The following SNAPC1 variants were observed in gnomAD, a reference collection of about 807,000 sequenced individuals.
The protein encoded by SNAPC1 is snRNA-activating protein complex subunit 1.
In SNAPC1, 42 loss-of-function variants were observed where a neutral mutation model predicts 50.1. The observed-to-expected ratio is 0.84, with a 90% confidence interval of 0.65 to 1.08. The LOEUF (loss-of-function observed/expected upper bound fraction) is 1.08. Ranked by LOEUF, SNAPC1 falls within the 50% of genes least tolerant of loss-of-function variation. The pLI is 0.00. For missense variants in SNAPC1, 477 were observed against 427.3 expected (o/e 1.12, Z -1.02); for synonymous variants, 164 against 144.2 (o/e 1.14, Z -0.98).
At chr14:61,769,933 TAG>T (rs1401533873) in intron 4 of SNAPC1, among the ~76,000 whole-genome samples, 5 of 152,158 alleles carry the variant, frequency 3.3e-5, no homozygotes, top group Non-Finnish European at 7.3e-5. Context: ...AAAGAACATA[TAG>T]AGAGGAGACG....
chr14:61,794,658 T>C (rs2045175936), intron 9 of SNAPC1, among the ~76,000 whole-genome samples: 1 of 152,178 alleles, frequency 6.6e-6, no homozygotes, highest in South Asian at 2.1e-4. Flanking sequence ...TTCGCCCACC[T>C]TAGCCTCCCA....
At chr14:61,766,788 C>G (rs1430568730) in intron 1 of SNAPC1, 88 bp from the exon 2 acceptor site, 1 of 666,686 alleles carries the variant, frequency 1.5e-6, no homozygotes, top group Non-Finnish European at 2.5e-6. Flanking sequence ...CAAATTATAA[C>G]TACCGTTTAA....
intron 7 of SNAPC1, among the ~76,000 whole-genome samples, chr14:61,782,026 G>A (rs1594649204): frequency 6.6e-6 from 1 of 152,214 alleles, no homozygotes; most frequent in Non-Finnish European, 1.5e-5. Flanking sequence ...GTGAGTAGAT[G>A]ATGATGACAG....
chr14:61,768,295 T>C (rs1370531271), intron 3 of SNAPC1, among the ~76,000 whole-genome samples: 1 of 152,082 alleles, frequency 6.6e-6, no homozygotes, highest in Admixed American at 6.6e-5. Flanking sequence ...AAAAATTCTT[T>C]GGTGAAAAGT....
chr14:61,778,339 G>A lies in SNAPC1; in HGVS notation c.762+199G>A, dbSNP rs547150637. 8.3e-4 allele frequency among the ~76,000 whole-genome samples: 127 copies of A among 152,306 alleles called. 1 individual carries two copies. The highest frequency in any genetic ancestry group is 2.9e-3 in the African/African-American group (119 of 41,558). On this transcript the variant is annotated intron_variant, in intron 6 of 9. Coordinates refer to ENST00000216294, the MANE Select transcript of SNAPC1 (RefSeq NM_003082.4). ...GGAGAGAGGATGATAATAATTTTCC[G>A]CAGGGAAAGGAAAGCTTGACTATGG... is the stretch of plus-strand genomic sequence containing the variant.
chr14:61,790,672 A>C (rs1283736566), intron 8 of SNAPC1, among the ~76,000 whole-genome samples: 1 of 152,026 alleles, frequency 6.6e-6, no homozygotes, highest in Non-Finnish European at 1.5e-5. Flanking sequence ...TTTTTCTCAC[A>C]TGTCCAAGAC....
At chr14:61,771,903 C>T (rs953623780) in intron 4 of SNAPC1, among the ~76,000 whole-genome samples, 1 of 152,036 alleles carries the variant, frequency 6.6e-6, no homozygotes, top group Non-Finnish European at 1.5e-5. Context: ...TCATGGGGAT[C>T]AGGGAACTGA....
intron 7 of SNAPC1, 55 bp from the exon 8 acceptor site, chr14:61,782,192 T>G (rs1273842892): frequency 1.5e-6 from 2 of 1,300,274 alleles, no homozygotes; most frequent in South Asian, 1.5e-5. Context: ...CCTCTCAATT[T>G]TATCATTTGG....
rs1264015409 is a variant in SNAPC1, at chr14:61,776,067, A to C, written c.535-28A>C. 3 of 1,547,472 alleles carry C rather than the reference A, an allele frequency of 1.9e-6. No individual in the cohort carries two copies. The East Asian group carries it at 6.9e-5, about 36-fold the overall frequency. Reference sequence around the variant, plus strand: ...TTAGTTTCTCCTCAAAAAGTGAAGAAATAAAGGACTCATCTTTTTGCTTTT... The same window carrying C: ...TTAGTTTCTCCTCAAAAAGTGAAGACATAAAGGACTCATCTTTTTGCTTTT... On this transcript the variant is annotated intron_variant, in intron 4 of 9. Coordinates refer to ENST00000216294, the MANE Select transcript of SNAPC1 (RefSeq NM_003082.4).
At chr14:61,789,013 A>G (rs1456927941) in intron 8 of SNAPC1, among the ~76,000 whole-genome samples, 2 of 152,190 alleles carry the variant, frequency 1.3e-5, no homozygotes, top group Non-Finnish European at 2.9e-5. Flanking sequence ...CAGGCAGATC[A>G]CAAGGTCAGG....
intron 4 of SNAPC1, among the ~76,000 whole-genome samples, chr14:61,774,278 A>G (rs942896753): frequency 6.6e-6 from 1 of 151,700 alleles, no homozygotes; most frequent in Admixed American, 6.6e-5. Context: ...CTGGGACTAC[A>G]GGTGCACACT....
chr14:61,762,528 G>T lies in SNAPC1; in HGVS notation c.68G>T (p.Ser23Ile), dbSNP rs778349214. The change falls in exon 1 of 10, where the codon AGT (serine) becomes ATT (isoleucine). Residue 23 changes from serine to isoleucine, a missense_variant. By Grantham distance (142) the Ser-to-Ile change is moderately radical. Transcript: ENST00000216294. ...ALLSRFQETD[S>I]VRFEDFTELW... The stretch of plus-strand genomic sequence containing the variant: ...CTCAGCCGCTTCCAGGAGACGGACA[G>T]TGTACGCTTCGAGGACTTCACGGAG... 2 of 1,579,344 alleles carry T rather than the reference G, an allele frequency of 1.3e-6. No individual in the cohort carries two copies. Among genetic ancestry groups the T allele is most frequent in the Non-Finnish European group, 1.7e-6 (2 of 1,159,048 alleles).
chr14:61,777,805 GAAGGA>G (rs1275739822), intron 5 of SNAPC1, among the ~76,000 whole-genome samples: 2 of 152,024 alleles, frequency 1.3e-5, no homozygotes, highest in Non-Finnish European at 1.5e-5. Context: ...CTGAAAACCT[GAAGGA>G]AAGGAGAATA....
intron 3 of SNAPC1, among the ~76,000 whole-genome samples, chr14:61,767,925 G>A (rs1235361779): frequency 6.6e-6 from 1 of 152,058 alleles, no homozygotes; most frequent in African/African-American, 2.4e-5. Flanking sequence ...GACTACAGGC[G>A]CCCTCCACCA....
rs1283703798 is a variant in SNAPC1 at position 61,762,436 on chromosome 14, C to T, written c.-25C>T. 4.4e-6 allele frequency: 7 copies of T among 1,607,312 alleles called. No homozygotes were observed. In the East Asian group the frequency reaches 1.1e-4, roughly 26 times the overall value. ...TAGTCCGTTAGAGGCGTGCGGGCTT[C>T]GGAGGCGTGCGGGCTTCGGGTGCCA... On this transcript the variant is annotated 5_prime_UTR_variant, in exon 1 of 10. Transcript: ENST00000216294.
In SNAPC1 at chr14:61,767,003, T is replaced by C. The variant is rs1189791113; in HGVS notation, c.256T>C (p.Tyr86His). Reference sequence around the variant, plus strand: ...TGCTTTGTATCTGCTATATGGATTATATAATACCCAACTGTGTCAACCAAA... The same window carrying C: ...TGCTTTGTATCTGCTATATGGATTACATAATACCCAACTGTGTCAACCAAA... Reference protein sequence around the residue: ...VGALYLLYGLYNTQLCQPKQK... With the variant: ...VGALYLLYGLHNTQLCQPKQK... Residue 86 changes from tyrosine (Y) to histidine (H), a missense_variant, in exon 2 of 10, where the codon TAT becomes CAT. Transcript: ENST00000216294. 6.2e-7 allele frequency: 1 copy of C among 1,603,200 alleles called. No individual in the cohort carries two copies. The highest frequency in any genetic ancestry group is 8.5e-7 in the Non-Finnish European group (1 of 1,173,482).
Position 61,785,474 on chromosome 14 carries a change from C to G in SNAPC1, c.976+3077C>G, listed in dbSNP as rs150363221. Among the ~76,000 whole-genome samples, 521 of 152,212 alleles carry G rather than the reference C, an allele frequency of 3.4e-3. 3 individuals carry two copies. Among genetic ancestry groups the G allele is most frequent in the African/African-American group, 0.012 (481 of 41,528 alleles). On this transcript the variant is annotated intron_variant, in intron 8 of 9. Coordinates refer to ENST00000216294, the MANE Select transcript of SNAPC1 (RefSeq NM_003082.4). ...GGAGGAAATCTGAATAGTCTAATGT[C>G]TACTGAGACCCCAGAATATCTGAGA...
intron 3 of SNAPC1, 102 bp downstream of exon 3, chr14:61,767,454 G>A (rs962660007): frequency 3.0e-6 from 2 of 661,694 alleles, no homozygotes; most frequent in Admixed American, 3.7e-5. Context: ...TATTGATAGT[G>A]TTCAAGACTT....
chr14:61,776,308 C>T (rs761348549), intron 5 of SNAPC1, 55 bp downstream of exon 5: 43 of 1,482,946 alleles, frequency 2.9e-5, no homozygotes, highest in Admixed American at 2.0e-4. Context: ...AATGTTTATC[C>T]GTGGATGATA....
Sources: gnomAD v4.1 joint callset for allele counts (sites outside exome capture counted in the v4.1 genomes callset) on GRCh38, gnomAD v4.1.1 for gene constraint, MANE v1.5 for transcripts, NCBI Gene and HGNC (gene_info 2026-07-23, HGNC 2026-07-21) for gene names.